Variants in N4BP2 observed in about 807,000 individuals in gnomAD.
The protein encoded by N4BP2 is NEDD4-binding protein 2.
In N4BP2, 91 loss-of-function variants were observed where a neutral mutation model predicts 152.8. That is an observed-to-expected ratio of 0.60 (90% CI 0.50 to 0.71). N4BP2 has a LOEUF of 0.71. Ranked by LOEUF, N4BP2 falls within the 30% of genes least tolerant of loss-of-function variation. N4BP2 has a pLI of 0.00. For synonymous variants in N4BP2, 646 were observed against 705.3 expected (o/e 0.92, Z 1.33); for missense variants, 1,923 against 2,059.1 (o/e 0.93, Z 1.28).
Position 40,097,248 on chromosome 4 carries a change from G to C in N4BP2, c.-93G>C, listed in dbSNP as rs1715183927. The C allele has an allele frequency of 2.0e-6, 2 of 989,156 alleles. No individual in the cohort carries two copies. Among genetic ancestry groups the C allele is most frequent in the Admixed American group, 2.0e-5 (1 of 49,148 alleles). 61.3% of individuals were successfully genotyped at this position (989,156 alleles called of 1,614,324 possible). On this transcript the variant is annotated 5_prime_UTR_variant, in exon 3 of 18. Transcript: ENST00000261435. The stretch of plus-strand genomic sequence containing the variant: ...TTAGGTCTTTTTACTGCTGGATTGT[G>C]CAAGATATTTAACCCTATTTTGTTT...
the N4BP2 span, among the ~76,000 whole-genome samples, chr4:40,169,437 T>G: frequency 6.6e-6 from 1 of 150,662 alleles, no homozygotes; most frequent in African/African-American, 2.4e-5. Context: ...TTTGATGAAA[T>G]TAGAAGTAAA....
chr4:40,163,846 C>T, the N4BP2 span, among the ~76,000 whole-genome samples: 3 of 152,148 alleles, frequency 2.0e-5, no homozygotes, highest in African/African-American at 7.2e-5. Context: ...TGATATACCC[C>T]TTTTTACAGA....
At chr4:40,173,495 G>A in the N4BP2 span, among the ~76,000 whole-genome samples, 1 of 152,200 alleles carries the variant, frequency 6.6e-6, no homozygotes, top group Non-Finnish European at 1.5e-5. Flanking sequence ...TACGTGAGAG[G>A]TATGAGGGAA....
At chr4:40,082,308 A>G (rs890827463) in intron 2 of N4BP2, among the ~76,000 whole-genome samples, 9 of 151,812 alleles carry the variant, frequency 5.9e-5, no homozygotes, top group Non-Finnish European at 1.3e-4. Flanking sequence ...TATTCAAAAC[A>G]TAGTCTTTTT....
intron 2 of N4BP2, among the ~76,000 whole-genome samples, chr4:40,087,263 CTTT>C (rs1714066246): frequency 6.6e-6 from 1 of 151,670 alleles, no homozygotes; most frequent in Admixed American, 6.6e-5. Flanking sequence ...CCTTCCCCTC[CTTT>C]AAAAAAAAAA....
intron 2 of N4BP2, among the ~76,000 whole-genome samples, chr4:40,074,619 G>C (rs754926859): frequency 6.6e-6 from 1 of 152,174 alleles, no homozygotes; most frequent in Admixed American, 6.6e-5. Context: ...AAGAGCTTTC[G>C]TGGTATAAGA....
the N4BP2 span, among the ~76,000 whole-genome samples, chr4:40,178,174 A>G: frequency 3.9e-5 from 6 of 152,262 alleles, no homozygotes; most frequent in Admixed American, 3.3e-4. Flanking sequence ...ACAAACAAAC[A>G]AAGAACCCAA....
chr4:40,125,534 T>C (rs1402862795), intron 11 of N4BP2, among the ~76,000 whole-genome samples: 1 of 152,188 alleles, frequency 6.6e-6, no homozygotes, highest in African/African-American at 2.4e-5. Flanking sequence ...TACATGTCAC[T>C]ATGTTTTGGG....
At chr4:40,138,485 C>A (rs1050859549) in intron 14 of N4BP2, among the ~76,000 whole-genome samples, 4 of 152,140 alleles carry the variant, frequency 2.6e-5, no homozygotes, top group African/African-American at 9.7e-5. Flanking sequence ...TTGCCAAATC[C>A]AATGTCATGA....
chr4:40,150,973 C>T (rs1163934195), intron 16 of N4BP2, among the ~76,000 whole-genome samples: 1 of 152,136 alleles, frequency 6.6e-6, no homozygotes. Flanking sequence ...GAGGTATGTA[C>T]TGAAATATTT....
downstream of N4BP2, among the ~76,000 whole-genome samples, chr4:40,162,030 C>T (rs1721872873): frequency 6.6e-6 from 1 of 152,174 alleles, no homozygotes; most frequent in Admixed American, 6.5e-5. Flanking sequence ...CATCATTTGC[C>T]TTTTGAACAG....
the N4BP2 span, among the ~76,000 whole-genome samples, chr4:40,184,359 C>CTT: frequency 0.24 from 35,906 of 146,802 alleles, 4,484 homozygotes; most frequent in Middle Eastern, 0.31. Flanking sequence ...CTTCATCTGC[C>CTT]TTTTTTTTTT....
intron 1 of N4BP2, among the ~76,000 whole-genome samples, chr4:40,072,359 C>T (rs1712287821): frequency 6.6e-6 from 1 of 151,474 alleles, no homozygotes; most frequent in African/African-American, 2.4e-5. Flanking sequence ...AATTCTCCTG[C>T]CTCAGCCTCC....
intron 1 of N4BP2, among the ~76,000 whole-genome samples, chr4:40,067,766 T>C (rs1237937918): frequency 6.6e-6 from 1 of 152,136 alleles, no homozygotes; most frequent in Non-Finnish European, 1.5e-5. Context: ...TGGCATGATG[T>C]TGGCTCACTG....
chr4:40,106,306 T>G lies in N4BP2; in HGVS notation c.1374-594T>G, dbSNP rs528661390. Reference sequence around the variant, plus strand: ...TGTTTGAATATTACAATATGTTCTTTTATTTATCTCTTTGTGTTTAATTTT... The same window carrying G: ...TGTTTGAATATTACAATATGTTCTTGTATTTATCTCTTTGTGTTTAATTTT... On this transcript the variant is annotated intron_variant, in intron 4 of 17. Transcript: ENST00000261435. Among the ~76,000 whole-genome samples, 11 of 152,270 alleles carry G rather than the reference T, an allele frequency of 7.2e-5. No individual in the cohort carries two copies. In the South Asian group the frequency reaches 2.3e-3, roughly 32 times the overall value.
chr4:40,076,307 C>G (rs530416852), intron 2 of N4BP2, among the ~76,000 whole-genome samples: 2 of 152,170 alleles, frequency 1.3e-5, no homozygotes, highest in Admixed American at 6.5e-5. Flanking sequence ...GAAACTCTGT[C>G]TCTACTAAAA....
intron 9 of N4BP2, 85 bp downstream of exon 9, chr4:40,122,394 G>A (rs1718023900): frequency 6.6e-6 from 6 of 909,182 alleles, no homozygotes; most frequent in Non-Finnish European, 9.5e-6. Flanking sequence ...TTTTTTCTGA[G>A]ATGGAGTCTC....
At chr4:40,058,831 A>T (rs1252009907) in intron 1 of N4BP2, among the ~76,000 whole-genome samples, 1 of 151,496 alleles carries the variant, frequency 6.6e-6, no homozygotes, top group African/African-American at 2.4e-5. Flanking sequence ...TTATTTATTT[A>T]TTTTTTTGAG....
At chr4:40,171,187 C>T in the N4BP2 span, among the ~76,000 whole-genome samples, 1 of 152,164 alleles carries the variant, frequency 6.6e-6, no homozygotes, top group Non-Finnish European at 1.5e-5. Flanking sequence ...TATCTTCTGC[C>T]CTTCGCAAGT....
Sources: gnomAD v4.1 joint callset for allele counts (sites outside exome capture counted in the v4.1 genomes callset) on GRCh38, gnomAD v4.1.1 for gene constraint, MANE v1.5 for transcripts, NCBI Gene and HGNC (gene_info 2026-07-23, HGNC 2026-07-21) for gene names.